Variants in PI4K2B observed in about 807,000 individuals in gnomAD.
PI4K2B encodes phosphatidylinositol 4-kinase type 2 beta.
PI4K2B carries 46 observed loss-of-function variants against 56.6 expected under a neutral mutation model. That is an observed-to-expected ratio of 0.81 (90% CI 0.64 to 1.04). PI4K2B has a LOEUF of 1.04. PI4K2B is among the 50% of genes least tolerant of loss of function. The probability of loss-of-function intolerance (pLI) is 0.00; values close to 1 mark genes in which losing one functional copy is unlikely to be tolerated. For missense variants in PI4K2B, 556 were observed against 607.7 expected (o/e 0.91, Z 0.89); for synonymous variants, 211 against 223.8 (o/e 0.94, Z 0.51).
chr4:25,251,206 G>GT (rs778592850), intron 1 of PI4K2B, among the ~76,000 whole-genome samples: 1 of 152,166 alleles, frequency 6.6e-6, no homozygotes, highest in Non-Finnish European at 1.5e-5. Flanking sequence ...AAGTTAAGTA[G>GT]TTGGTAATAA....
At chr4:25,256,365 C>T (rs1296125628) in intron 3 of PI4K2B, among the ~76,000 whole-genome samples, 178 bp from the exon 4 acceptor site, 1 of 152,208 alleles carries the variant, frequency 6.6e-6, no homozygotes, top group Non-Finnish European at 1.5e-5. Context: ...GAAATATGTG[C>T]CCTTCATTTA....
At position 25,279,188 on chromosome 4, in the gene PI4K2B, G is replaced by A. The variant is rs140783628; in HGVS notation, c.*2001G>A. On this transcript the variant is annotated 3_prime_UTR_variant, in exon 10 of 10. Coordinates refer to ENST00000264864, the MANE Select transcript of PI4K2B (RefSeq NM_018323.4). ...ACTATCATTTTCTTCATATATTAAA[G>A]GTATAGTTTAATTCTTTTTTTTTTT... 46 of 149,054 alleles carry A rather than the reference G, an allele frequency of 3.1e-4. No individual in the cohort carries two copies. The highest frequency in any genetic ancestry group is 1.1e-3 in the African/African-American group (46 of 40,674). The allele number at this position is 149,054 out of a possible 1,614,324, so 9.2% of individuals were successfully genotyped here. A position where few individuals can be genotyped will look rare whatever the true frequency, so the allele number is the denominator to read the frequency against.
chr4:25,243,262 G>T (rs1577677754), intron 1 of PI4K2B, among the ~76,000 whole-genome samples: 1 of 152,356 alleles, frequency 6.6e-6, no homozygotes, highest in East Asian at 1.9e-4. Context: ...TTCTGACCCA[G>T]GGAACCTTCG....
intron 9 of PI4K2B, chr4:25,276,400 C>A (rs190243173): frequency 3.7e-6 from 1 of 270,792 alleles, no homozygotes; most frequent in Non-Finnish European, 5.7e-6. Context: ...CCCAAATTCT[C>A]TAACCTATTT....
intron 7 of PI4K2B, among the ~76,000 whole-genome samples, chr4:25,265,390 T>A (rs574744047): frequency 6.6e-6 from 1 of 152,186 alleles, no homozygotes; most frequent in South Asian, 2.1e-4. Flanking sequence ...TAGATCAGGC[T>A]TTTAGTTTGT....
chr4:25,237,555 G>A (rs1009071924), intron 1 of PI4K2B, among the ~76,000 whole-genome samples: 1 of 152,116 alleles, frequency 6.6e-6, no homozygotes, highest in Non-Finnish European at 1.5e-5. Context: ...TAGTAGAAAC[G>A]GGGTTTCACC....
intron 1 of PI4K2B, among the ~76,000 whole-genome samples, chr4:25,248,779 T>TAAGA (rs55935785): frequency 0.71 from 106,762 of 151,210 alleles, 38,126 homozygotes; most frequent in Non-Finnish European, 0.76. Flanking sequence ...TCAGAGCTAA[T>TAAGA]AATTAGGAAA....
Position 25,234,083 on chromosome 4 carries a change from C to T in PI4K2B, c.-81C>T. ...GGCGTCCGTTCTACCCGGTCGCTCCCGTTCCGCGCCATGCAGAGCCCAGTC... is the reference window on the plus strand; with the variant it reads ...GGCGTCCGTTCTACCCGGTCGCTCCTGTTCCGCGCCATGCAGAGCCCAGTC... On this transcript the variant is annotated 5_prime_UTR_variant, in exon 1 of 10. Transcript: ENST00000264864. 4 of 1,166,488 alleles carry T rather than the reference C, an allele frequency of 3.4e-6. No individual in the cohort carries two copies. Among genetic ancestry groups the T allele is most frequent in the Non-Finnish European group, 3.2e-6 (3 of 925,428 alleles). 72.3% of individuals were successfully genotyped at this position (1,166,488 alleles called of 1,614,324 possible).
intron 9 of PI4K2B, among the ~76,000 whole-genome samples, chr4:25,270,542 T>G (rs1207399270): frequency 6.6e-6 from 1 of 152,110 alleles, no homozygotes; most frequent in Non-Finnish European, 1.5e-5. Flanking sequence ...GAGATGGGAT[T>G]TCACCATGTC....
chr4:25,267,219 G>A (rs1426495719), intron 7 of PI4K2B, among the ~76,000 whole-genome samples: 2 of 152,222 alleles, frequency 1.3e-5, no homozygotes, highest in Non-Finnish European at 2.9e-5. Flanking sequence ...AGTAGTACTA[G>A]AAGTTGAGTG....
At chr4:25,270,011 C>T (rs1054780979) in intron 9 of PI4K2B, among the ~76,000 whole-genome samples, 2 of 152,170 alleles carry the variant, frequency 1.3e-5, no homozygotes, top group Admixed American at 1.3e-4. Flanking sequence ...CCACCGCGCC[C>T]AGCCTAACTT....
At chr4:25,252,616 G>T in intron 2 of PI4K2B, 141 bp downstream of exon 2, 1 of 714,230 alleles carries the variant, frequency 1.4e-6, no homozygotes, top group Non-Finnish European at 2.3e-6. Context: ...GTCAGTTTTT[G>T]TTTGTTTTTT....
chr4:25,241,793 G>A (rs1374620069), intron 1 of PI4K2B, among the ~76,000 whole-genome samples: 1 of 152,196 alleles, frequency 6.6e-6, no homozygotes, highest in Non-Finnish European at 1.5e-5. Flanking sequence ...GTCTGAGTAA[G>A]GACTCCAAGA....
In PI4K2B at chr4:25,277,241, A is replaced by C. The variant is rs1717139799; in HGVS notation, c.*54A>C. On this transcript the variant is annotated 3_prime_UTR_variant, in exon 10 of 10. Transcript: ENST00000264864. The stretch of plus-strand genomic sequence containing the variant: ...TTTAGAATTATCATGTTTTTAAAAC[A>C]TCATAGTAATATAAATCTGCTGTTA... 1 of 1,512,456 alleles carries C rather than the reference A, an allele frequency of 6.6e-7. No homozygotes were observed. The highest frequency in any genetic ancestry group is 8.9e-7 in the Non-Finnish European group (1 of 1,117,554). The allele number at this position is 1,512,456 out of a possible 1,614,324, so 93.7% of individuals were successfully genotyped here.
intron 3 of PI4K2B, among the ~76,000 whole-genome samples, 200 bp from the exon 4 acceptor site, chr4:25,256,343 C>T (rs1716264372): frequency 1.3e-5 from 2 of 152,172 alleles, no homozygotes; most frequent in South Asian, 4.1e-4. Context: ...GCTTTTATAC[C>T]ACTCTCAGAA....
chr4:25,250,019 ACCAGCCCGG>A lies in PI4K2B; in HGVS notation c.269-2298_269-2290del, dbSNP rs1270015909. Among the ~76,000 whole-genome samples, 4 of 152,284 alleles carry A rather than the reference ACCAGCCCGG, an allele frequency of 2.6e-5. 1 individual carries two copies. The highest frequency in any genetic ancestry group is 6.8e-3 in the Middle Eastern group (2 of 292). On this transcript the variant is annotated intron_variant, in intron 1 of 9. Coordinates refer to ENST00000264864, the MANE Select transcript of PI4K2B (RefSeq NM_018323.4). ...GATCACTCACGGTCAGGAACTGGAG[ACCAGCCCGG>A]CCAACACGGCGAAACCCCGTCTCCA...
In PI4K2B at chr4:25,252,355, G is replaced by C; in HGVS notation, c.303G>C (p.Leu101Phe). The C allele has an allele frequency of 1.2e-6, 2 of 1,610,422 alleles. No homozygotes were observed. The highest frequency in any genetic ancestry group is 8.5e-7 in the Non-Finnish European group (1 of 1,176,826). ...GTACTTCAGAGATGAATGCATTCTT[G>C]GATGACCCAGAATTTGCCGATATTA... ...TIGTSEMNAF[L>F]DDPEFADIML... The change falls in exon 2 of 10, where the codon TTG becomes TTC. Residue 101 changes from leucine (L) to phenylalanine (F), a missense_variant. Transcript: ENST00000264864.
chr4:25,255,793 A>T (rs1716242437), intron 3 of PI4K2B, among the ~76,000 whole-genome samples: 1 of 148,108 alleles, frequency 6.8e-6, no homozygotes, highest in South Asian at 2.2e-4. Flanking sequence ...ATCATGGCTC[A>T]CTGCAGCCTC....
At chr4:25,272,807 G>A (rs1716949639) in intron 9 of PI4K2B, among the ~76,000 whole-genome samples, 1 of 151,812 alleles carries the variant, frequency 6.6e-6, no homozygotes, top group Admixed American at 6.6e-5. Flanking sequence ...AGGTTGTAAT[G>A]AGCTGTGATC....
Sources: gnomAD v4.1 joint callset for allele counts (sites outside exome capture counted in the v4.1 genomes callset) on GRCh38, gnomAD v4.1.1 for gene constraint, MANE v1.5 for transcripts, NCBI Gene and HGNC (gene_info 2026-07-23, HGNC 2026-07-21) for gene names.